The following CARS2 variants were observed in gnomAD, a reference collection of about 807,000 sequenced individuals.
The protein encoded by CARS2 is probable cysteine--tRNA ligase, mitochondrial.
Under a neutral mutation model 68.8 loss-of-function variants are expected in CARS2, and 52 were observed. That is an observed-to-expected ratio of 0.76 (90% CI 0.61 to 0.95). CARS2 has a LOEUF of 0.95. CARS2 is among the 40% of genes least tolerant of loss of function. The pLI is 0.00. For missense variants in CARS2, 780 were observed against 754.2 expected (o/e 1.03, Z -0.40); for synonymous variants, 314 against 303.6 (o/e 1.03, Z -0.36).
At chr13:110,671,613 C>G (rs1338135543) in intron 7 of CARS2, among the ~76,000 whole-genome samples, 1 of 152,172 alleles carries the variant, frequency 6.6e-6, no homozygotes, top group East Asian at 1.9e-4. Flanking sequence ...CAAAAACATG[C>G]CGAATTGTAA....
rs966067789 is a variant in CARS2, at chr13:110,665,477, A to G, written c.919+1863T>C. On this transcript the variant is annotated intron_variant, in intron 8 of 14. Transcript: ENST00000257347. The surrounding 1 kb of genome is among the most constrained non-coding windows in gnomAD (Gnocchi z 4.3). Reference sequence around the variant, plus strand: ...ACAGCAAATGCTTTCCCATTCCCACATCGGAAGGTGAACACGACCTCCGTT... The same window carrying G: ...ACAGCAAATGCTTTCCCATTCCCACGTCGGAAGGTGAACACGACCTCCGTT... 7 of 985,460 alleles carry G rather than the reference A, an allele frequency of 7.1e-6. No homozygotes were observed. Among genetic ancestry groups the G allele is most frequent in the East Asian group, 1.1e-4 (1 of 8,812 alleles). The allele number at this position is 985,460 out of a possible 1,614,324, so 61.0% of individuals were successfully genotyped here. A position where few individuals can be genotyped will look rare whatever the true frequency, so the allele number is the denominator to read the frequency against.
Position 110,676,581 on chromosome 13 carries a change from T to C in CARS2, c.785+393A>G, listed in dbSNP as rs1417768955. ...AGAGCACCCTGGCATGCGAGTTGCC[T>C]GAGCTAGAAGAGCTGGCGGGAAGGC... is the stretch of plus-strand genomic sequence containing the variant. On this transcript the variant is annotated intron_variant, in intron 7 of 14. Transcript: ENST00000257347. The surrounding 1 kb of genome is among the most constrained non-coding windows in gnomAD (Gnocchi z 4.0). Among the ~76,000 whole-genome samples, 1 of 152,032 alleles carries C rather than the reference T, an allele frequency of 6.6e-6. No individual in the cohort carries two copies. The highest frequency in any genetic ancestry group is 2.4e-5 in the African/African-American group (1 of 41,382).
chr13:110,662,953 G>A lies in CARS2; in HGVS notation c.987+498C>T, dbSNP rs576670776. ...GTCAGCCAGAGCCCTCCGTGGGTGT[G>A]CCTGTTTTCCATTCACACGAAAATT... On this transcript the variant is annotated intron_variant, in intron 9 of 14. Transcript: ENST00000257347. The A allele has an allele frequency of 1.7e-4, 76 of 455,014 alleles. No homozygotes were observed. The East Asian group carries it at 4.1e-3, about 25-fold the overall frequency. 28.2% of individuals were successfully genotyped at this position (455,014 alleles called of 1,614,324 possible). A position where few individuals can be genotyped will look rare whatever the true frequency, so the allele number is the denominator to read the frequency against.
intron 2 of CARS2, among the ~76,000 whole-genome samples, chr13:110,702,619 C>G (rs2063820973): frequency 1.3e-5 from 2 of 152,322 alleles, no homozygotes; most frequent in South Asian, 4.1e-4. Flanking sequence ...CCCAGAGGAG[C>G]CCAGGCTGAG....
chr13:110,713,495 C>G (rs964374519), exon 1 of CARS2: 2 of 987,112 alleles, frequency 2.0e-6, no homozygotes, highest in African/African-American at 1.7e-5. Context: ...ACGCTGTCCC[C>G]TCCGCGACCC....
rs1001974992 is a variant in CARS2 at position 110,680,156 on chromosome 13, G to C, written c.655+2895C>G. ...GTACTTTGGGAGGCCGAGGGGGGGG[G>C]GGGGGGGGGTGGATCACCTGAGGTC... is the stretch of plus-strand genomic sequence containing the variant. On this transcript the variant is annotated intron_variant, in intron 6 of 14. Coordinates refer to ENST00000257347, the MANE Select transcript of CARS2 (RefSeq NM_024537.4). Among the ~76,000 whole-genome samples the C allele has an allele frequency of 5.3e-4, 64 of 121,494 alleles. 2 individuals carry two copies. In the South Asian group the frequency reaches 5.3e-3, roughly 10 times the overall value. 79.7% of individuals were successfully genotyped at this position (121,494 alleles called of 152,430 possible). A position where few individuals can be genotyped will look rare whatever the true frequency, so the allele number is the denominator to read the frequency against.
At position 110,642,526 on chromosome 13, in the gene CARS2, A is replaced by G. The variant is rs1192495402; in HGVS notation, c.1417-5T>C. ...GCTGCCGTCTCCTGAAACGTACTGA[A>G]GCCAGCAGGGCGCGGTTACGTCCCC... is the stretch of plus-strand genomic sequence containing the variant. On this transcript the variant is annotated splice_region_variant and splice_polypyrimidine_tract_variant and intron_variant, in intron 13 of 14. Transcript: ENST00000257347. 6.2e-7 allele frequency: 1 copy of G among 1,609,100 alleles called. No individual in the cohort carries two copies.
chr13:110,671,615 G>T (rs901479097), intron 7 of CARS2, among the ~76,000 whole-genome samples: 1 of 152,160 alleles, frequency 6.6e-6, no homozygotes, highest in African/African-American at 2.4e-5. Flanking sequence ...AAAACATGCC[G>T]AATTGTAAAG....
exon 1 of CARS2, chr13:110,713,297 G>A: frequency 1.6e-6 from 2 of 1,236,908 alleles, no homozygotes; most frequent in Non-Finnish European, 1.0e-6. Context: ...GGTAGTTGCT[G>A]TGTACCATGG....
intron 7 of CARS2, among the ~76,000 whole-genome samples, chr13:110,674,823 A>G (rs2062900537): frequency 1.3e-5 from 2 of 152,230 alleles, no homozygotes; most frequent in Admixed American, 1.3e-4. Flanking sequence ...ACAAAGGGCT[A>G]ATATCCAGAA....
At chr13:110,683,237 T>C (rs1594357783) in intron 5 of CARS2, 103 bp from the exon 6 acceptor site, 1 of 710,326 alleles carries the variant, frequency 1.4e-6, no homozygotes, top group Non-Finnish European at 2.2e-6. Context: ...ATACAGAACA[T>C]AGCATTTGGC....
upstream of CARS2, among the ~76,000 whole-genome samples, chr13:110,710,935 AT>A (rs377250322): frequency 1.3e-3 from 196 of 149,760 alleles, no homozygotes; most frequent in African/African-American, 4.5e-3. Flanking sequence ...CTGTGTTGTG[AT>A]TTTTTTTTTT....
intron 12 of CARS2, 198 bp downstream of exon 12, chr13:110,645,769 G>T (rs1045738082): frequency 3.3e-6 from 2 of 603,874 alleles, no homozygotes; most frequent in Admixed American, 3.6e-5. Context: ...TGGCCCTGAG[G>T]CCCGGGAGGG....
intron 10 of CARS2, 168 bp downstream of exon 10, chr13:110,650,866 G>T: frequency 1.7e-6 from 1 of 578,310 alleles, no homozygotes; most frequent in Non-Finnish European, 3.0e-6. Context: ...CCAGCACTGG[G>T]ATCCCTCGTC....
rs768885849 is a variant in CARS2, at chr13:110,645,922, T to C, written c.1317+45A>G. 15 of 1,599,452 alleles carry C rather than the reference T, an allele frequency of 9.4e-6. No individual in the cohort carries two copies. The African/African-American group carries it at 1.1e-4, about 12-fold the overall frequency. Reference sequence around the variant, plus strand: ...AAAACCCACCAGAGGACCCGACCCATGCCCCTGGCAGCAGGACCGCAAGGC... The same window carrying C: ...AAAACCCACCAGAGGACCCGACCCACGCCCCTGGCAGCAGGACCGCAAGGC... On this transcript the variant is annotated intron_variant, in intron 12 of 14. Coordinates refer to ENST00000257347, the MANE Select transcript of CARS2 (RefSeq NM_024537.4).
upstream of CARS2, chr13:110,706,307 G>A (rs1030838359): frequency 1.2e-5 from 4 of 320,486 alleles, no homozygotes; most frequent in Non-Finnish European, 2.2e-5. Flanking sequence ...GTTGGGGCGG[G>A]GAAGGCCCGG....
intron 9 of CARS2, among the ~76,000 whole-genome samples, chr13:110,658,155 T>A (rs1010547266): frequency 2.7e-4 from 41 of 152,200 alleles, no homozygotes; most frequent in African/African-American, 9.7e-4. Flanking sequence ...TAGATTAGAT[T>A]AGAAACCTAG....
intron 7 of CARS2, among the ~76,000 whole-genome samples, chr13:110,671,577 A>T (rs1337227814): frequency 1.3e-5 from 2 of 152,234 alleles, no homozygotes; most frequent in Non-Finnish European, 2.9e-5. Flanking sequence ...CTAAACATGG[A>T]AAGGAACAAC....
intron 3 of CARS2, among the ~76,000 whole-genome samples, chr13:110,701,151 C>G (rs1426873120): frequency 6.6e-6 from 1 of 152,112 alleles, no homozygotes; most frequent in Non-Finnish European, 1.5e-5. Flanking sequence ...CAACCTTCGC[C>G]CCCCCAGGGT....
Sources: allele counts gnomAD v4.1 joint callset (sites outside exome capture counted in the v4.1 genomes callset), GRCh38; gene constraint gnomAD v4.1.1; non-coding constraint Gnocchi (gnomAD v3.1); transcripts MANE v1.5; gene names NCBI Gene and HGNC (gene_info 2026-07-23, HGNC 2026-07-21).